Variants in ZNF385D observed in about 807,000 individuals in gnomAD.
ZNF385D encodes the protein zinc finger protein 385D.
ZNF385D carries 15 observed loss-of-function variants against 35.8 expected under a neutral mutation model. The ratio of observed to expected loss-of-function variants is 0.42; its 90% CI spans 0.28 to 0.64. The LOEUF is 0.64. ZNF385D is among the 30% of genes least tolerant of loss of function. ZNF385D has a pLI of 0.23. For missense variants in ZNF385D, 474 were observed against 494.6 expected, an observed-to-expected ratio of 0.96 and a Z score of 0.39; for synonymous variants, 212 against 186.8, an observed-to-expected ratio of 1.13 and a Z score of -1.10.
chr3:22,327,437 T>A (rs998946843), intron 2 of ZNF385D, among the ~76,000 whole-genome samples: 14 of 152,358 alleles, frequency 9.2e-5, no homozygotes, highest in African/African-American at 3.4e-4. Context: ...TAACCCATCC[T>A]GAAGTGGTGG....
chr3:21,742,576 C>T (rs567966672), intron 1 of ZNF385D, among the ~76,000 whole-genome samples: 1 of 152,220 alleles, frequency 6.6e-6, no homozygotes, highest in South Asian at 2.1e-4. Flanking sequence ...CAATGAGCGG[C>T]AGAAGGCAAT....
intron 3 of ZNF385D, among the ~76,000 whole-genome samples, chr3:21,873,885 C>T (rs1697825123): frequency 6.6e-6 from 1 of 151,942 alleles, no homozygotes. Flanking sequence ...TTTTTCTCTC[C>T]ATGAATGTTT....
chr3:22,077,535 A>ATAAG (rs915715566), intron 3 of ZNF385D, among the ~76,000 whole-genome samples: 1 of 152,014 alleles, frequency 6.6e-6, no homozygotes, highest in Non-Finnish European at 1.5e-5. Flanking sequence ...CTTTTGTCTT[A>ATAAG]GCAAAGGCCC....
intron 3 of ZNF385D, among the ~76,000 whole-genome samples, chr3:21,889,133 T>C (rs1354900460): frequency 2.0e-5 from 3 of 152,138 alleles, no homozygotes; most frequent in Non-Finnish European, 4.4e-5. Flanking sequence ...GACACTGAAA[T>C]AGACAACAGA....
At chr3:21,430,958 G>A (rs1011634902) in intron 5 of ZNF385D, 2 of 151,894 alleles carry the variant, frequency 1.3e-5, no homozygotes, top group African/African-American at 2.4e-5. Flanking sequence ...TTTTTATTTT[G>A]TTAATGAAAG....
At chr3:21,508,880 T>A (rs1706985232) in intron 4 of ZNF385D, among the ~76,000 whole-genome samples, 1 of 152,156 alleles carries the variant, frequency 6.6e-6, no homozygotes, top group African/African-American at 2.4e-5. Flanking sequence ...TTTGGATTAT[T>A]CTAGGTTGAC....
At chr3:21,557,103 T>C (rs1388421704) in intron 3 of ZNF385D, among the ~76,000 whole-genome samples, 2 of 152,216 alleles carry the variant, frequency 1.3e-5, no homozygotes, top group African/African-American at 4.8e-5. Context: ...TACAATCATG[T>C]CATCTGCAAA....
intron 3 of ZNF385D, among the ~76,000 whole-genome samples, chr3:21,765,258 T>C (rs576561193): frequency 1.3e-5 from 2 of 151,972 alleles, no homozygotes; most frequent in Admixed American, 6.6e-5. Context: ...GTGTGTGTTA[T>C]AGATTTTACT....
At chr3:22,116,267 T>A (rs1279937410) in intron 3 of ZNF385D, among the ~76,000 whole-genome samples, 1 of 152,120 alleles carries the variant, frequency 6.6e-6, no homozygotes, top group Non-Finnish European at 1.5e-5. Context: ...TGTCTACATT[T>A]GACACTTAAC....
intron 2 of ZNF385D, among the ~76,000 whole-genome samples, chr3:22,195,245 T>C (rs1318732765): frequency 6.6e-6 from 1 of 151,948 alleles, no homozygotes; most frequent in East Asian, 1.9e-4. Flanking sequence ...ACTTTTTTTC[T>C]TAACTCCTAG....
intron 2 of ZNF385D, among the ~76,000 whole-genome samples, chr3:22,216,341 A>G (rs1697883186): frequency 6.6e-6 from 1 of 152,082 alleles, no homozygotes; most frequent in Non-Finnish European, 1.5e-5. Flanking sequence ...TCTTGTTAAC[A>G]ATACTACCAT....
At chr3:21,516,140 C>T (rs147399091) in intron 3 of ZNF385D, among the ~76,000 whole-genome samples, 31 of 152,262 alleles carry the variant, frequency 2.0e-4, no homozygotes, top group South Asian at 4.1e-4. Flanking sequence ...CCCCTGCCCA[C>T]CAAATTGTCC....
chr3:21,824,603 C>T (rs7634301), intron 3 of ZNF385D, among the ~76,000 whole-genome samples: 3,032 of 151,972 alleles, frequency 0.02, 99 homozygotes, highest in African/African-American at 0.068. Context: ...TGTACAGTTA[C>T]GTGGTTGTAT....
chr3:22,088,797 A>G (rs116540038), intron 3 of ZNF385D, among the ~76,000 whole-genome samples: 1,784 of 152,302 alleles, frequency 0.012, 15 homozygotes, highest in Non-Finnish European at 0.016. Flanking sequence ...GTAAGATTCA[A>G]TAAGAATCCA....
chr3:21,472,591 G>A (rs1703973000), intron 4 of ZNF385D, among the ~76,000 whole-genome samples: 1 of 152,118 alleles, frequency 6.6e-6, no homozygotes, highest in Non-Finnish European at 1.5e-5. Flanking sequence ...TCCACCTGCA[G>A]CAAACTGCAA....
chr3:22,122,077 G>T (rs571056869), intron 3 of ZNF385D, among the ~76,000 whole-genome samples: 1 of 152,010 alleles, frequency 6.6e-6, no homozygotes, highest in Non-Finnish European at 1.5e-5. Flanking sequence ...CACAAATATC[G>T]TCTCAGCCCA....
intron 2 of ZNF385D, among the ~76,000 whole-genome samples, chr3:22,288,858 A>G (rs1286618950): frequency 6.6e-6 from 1 of 152,108 alleles, no homozygotes; most frequent in Non-Finnish European, 1.5e-5. Context: ...CCTCTTGTAA[A>G]AGAAGAACCT....
At chr3:21,464,109 A>G (rs990437012) in intron 4 of ZNF385D, among the ~76,000 whole-genome samples, 2 of 152,182 alleles carry the variant, frequency 1.3e-5, no homozygotes, top group African/African-American at 4.8e-5. Context: ...CCCCAGAACA[A>G]ATATTTTACT....
chr3:22,028,152 G>A (rs773055844), intron 3 of ZNF385D, among the ~76,000 whole-genome samples: 1 of 152,178 alleles, frequency 6.6e-6, no homozygotes, highest in East Asian at 1.9e-4. Context: ...ACAAATTTGG[G>A]GAAGAGGTAT....
Sources: allele counts gnomAD v4.1 joint callset (sites outside exome capture counted in the v4.1 genomes callset), GRCh38; gene constraint gnomAD v4.1.1; transcripts MANE v1.5; gene names NCBI Gene and HGNC (gene_info 2026-07-23, HGNC 2026-07-21).